CHCHD3: variants seen among roughly 807,000 people sequenced by gnomAD.
The protein encoded by CHCHD3 is coiled-coil-helix-coiled-coil-helix domain containing 3, also known as MICOS complex subunit MIC19.
In CHCHD3, 20 loss-of-function variants were observed where a neutral mutation model predicts 38.2. The ratio of observed to expected loss-of-function variants is 0.52; its 90% confidence interval spans 0.37 to 0.76. The LOEUF (loss-of-function observed/expected upper bound fraction) is 0.76. Among genes scored for constraint, CHCHD3 ranks in the 30% least tolerant of loss-of-function variants. The pLI is 0.00. For missense variants in CHCHD3, 245 were observed against 279.2 expected, an observed-to-expected ratio of 0.88 and a Z score of 0.87; for synonymous variants, 82 against 100.0, an observed-to-expected ratio of 0.82 and a Z score of 1.07.
chr7:132,885,554 C>T (rs1809184179), intron 5 of CHCHD3, 108 bp downstream of exon 5: 1 of 876,298 alleles, frequency 1.1e-6, no homozygotes, highest in South Asian at 1.8e-5. Context: ...TTCCTGGCCA[C>T]TTTACAACCA....
intron 6 of CHCHD3, among the ~76,000 whole-genome samples, chr7:132,819,345 C>T (rs551910430): frequency 6.6e-6 from 1 of 152,146 alleles, no homozygotes; most frequent in Non-Finnish European, 1.5e-5. Context: ...GTGAGTTAGC[C>T]CAGGCTTTTA....
At chr7:133,024,947 G>T (rs1813295879) in intron 2 of CHCHD3, among the ~76,000 whole-genome samples, 1 of 152,156 alleles carries the variant, frequency 6.6e-6, no homozygotes, top group African/African-American at 2.4e-5. Context: ...TAACATTAAA[G>T]TCTGACAACG....
At chr7:133,061,825 G>T (rs1407663468) in intron 2 of CHCHD3, among the ~76,000 whole-genome samples, 16 of 152,214 alleles carry the variant, frequency 1.1e-4, no homozygotes, top group African/African-American at 3.9e-4. Context: ...TAGCAATTCG[G>T]TGATAAAGTT....
intron 3 of CHCHD3, among the ~76,000 whole-genome samples, chr7:132,992,957 G>C (rs774606164): frequency 1.3e-5 from 2 of 152,100 alleles, no homozygotes; most frequent in Admixed American, 1.3e-4. Flanking sequence ...CTTTTTCACC[G>C]TAACAGCTGA....
At chr7:133,009,257 G>A (rs12707068) in intron 3 of CHCHD3, among the ~76,000 whole-genome samples, 54,584 of 151,026 alleles carry the variant, frequency 0.36, 10,047 homozygotes, top group Admixed American at 0.41. Flanking sequence ...CCAGCTAATC[G>A]GGAGGCTGAG....
chr7:133,021,065 AT>A (rs1394114218), intron 3 of CHCHD3, among the ~76,000 whole-genome samples: 3 of 152,152 alleles, frequency 2.0e-5, no homozygotes, highest in Non-Finnish European at 4.4e-5. Context: ...CATTTGACAA[AT>A]TTTAACAACC....
chr7:132,921,080 AG>A (rs1810248587), intron 4 of CHCHD3, among the ~76,000 whole-genome samples: 1 of 152,210 alleles, frequency 6.6e-6, no homozygotes, highest in African/African-American at 2.4e-5. Flanking sequence ...AATCACCACC[AG>A]GAAGAAGCAA....
chr7:133,054,483 C>T (rs1281822344), intron 2 of CHCHD3, among the ~76,000 whole-genome samples: 4 of 151,936 alleles, frequency 2.6e-5, no homozygotes, highest in African/African-American at 7.3e-5. Flanking sequence ...TATGTATATA[C>T]GGTAAACATA....
At chr7:132,821,855 C>T (rs560519517) in intron 6 of CHCHD3, among the ~76,000 whole-genome samples, 173 of 150,514 alleles carry the variant, frequency 1.1e-3, no homozygotes, top group African/African-American at 4.1e-3. Context: ...CTCCGCTTCC[C>T]GGGTTCACGC....
chr7:132,821,639 G>C (rs1224947272), intron 6 of CHCHD3, among the ~76,000 whole-genome samples: 1 of 151,048 alleles, frequency 6.6e-6, no homozygotes, highest in Non-Finnish European at 1.5e-5. Flanking sequence ...CCTAGATACT[G>C]TAGCATATAA....
At chr7:132,894,819 GTGTACATTATTATGTA>G (rs559029393) in intron 4 of CHCHD3, among the ~76,000 whole-genome samples, 1 of 152,230 alleles carries the variant, frequency 6.6e-6, no homozygotes, top group Non-Finnish European at 1.5e-5. Flanking sequence ...GTGATTTTAT[GTGTACATTATTATGTA>G]TGTACATTAT....
chr7:132,896,795 C>T (rs974386579), intron 4 of CHCHD3, among the ~76,000 whole-genome samples: 12 of 152,304 alleles, frequency 7.9e-5, no homozygotes, highest in Admixed American at 3.9e-4. Flanking sequence ...CAAAAAGCTA[C>T]ATTCTATAAA....
chr7:133,045,082 C>T (rs1425507529), intron 2 of CHCHD3, among the ~76,000 whole-genome samples: 1 of 152,166 alleles, frequency 6.6e-6, no homozygotes, highest in Non-Finnish European at 1.5e-5. Flanking sequence ...ATCTCTGGAG[C>T]AACTCAGACA....
At chr7:132,926,052 A>T (rs1347062949) in intron 4 of CHCHD3, among the ~76,000 whole-genome samples, 1 of 152,192 alleles carries the variant, frequency 6.6e-6, no homozygotes, top group Non-Finnish European at 1.5e-5. Flanking sequence ...TACCATTCTG[A>T]AGTGCCAGAT....
intron 4 of CHCHD3, among the ~76,000 whole-genome samples, chr7:132,957,285 G>A (rs1246884599): frequency 1.3e-5 from 2 of 152,166 alleles, no homozygotes; most frequent in African/African-American, 2.4e-5. Flanking sequence ...GATTGTGCAA[G>A]GTAAGTTGAC....
intron 4 of CHCHD3, among the ~76,000 whole-genome samples, chr7:132,923,385 T>C (rs1810304899): frequency 6.6e-6 from 1 of 152,160 alleles, no homozygotes; most frequent in Non-Finnish European, 1.5e-5. Context: ...AACTCGCCTT[T>C]CCATATGGAT....
At chr7:132,873,933 A>G (rs1317481947) in intron 5 of CHCHD3, among the ~76,000 whole-genome samples, 1 of 152,232 alleles carries the variant, frequency 6.6e-6, no homozygotes, top group Non-Finnish European at 1.5e-5. Flanking sequence ...AGCAGAAGTT[A>G]GCATGACTGG....
Position 132,785,633 on chromosome 7 carries a change from G to A in CHCHD3, c.*4C>T. On this transcript the variant is annotated 3_prime_UTR_variant, in exon 8 of 8. Transcript: ENST00000262570. The stretch of plus-strand genomic sequence containing the variant: ...TGATGGTGTTTTGCTCATTCTGAAA[G>A]TTTTTATCCTCCCTTCTCAAGCATG... The A allele has an allele frequency of 6.2e-7, 1 of 1,614,028 alleles. No homozygotes were observed.
chr7:133,000,188 T>C (rs943009635), intron 3 of CHCHD3, among the ~76,000 whole-genome samples: 1 of 152,168 alleles, frequency 6.6e-6, no homozygotes, highest in Non-Finnish European at 1.5e-5. Context: ...ACCAGAGTCA[T>C]TGAGAGTCAA....
Sources: gnomAD v4.1 joint callset for allele counts (sites outside exome capture counted in the v4.1 genomes callset) on GRCh38, gnomAD v4.1.1 for gene constraint, MANE v1.5 for transcripts, NCBI Gene and HGNC (gene_info 2026-07-23, HGNC 2026-07-21) for gene names.